The following GLIS3 variants were observed in gnomAD, a reference collection of about 807,000 sequenced individuals.
GLIS3 encodes zinc finger protein GLIS3.
A neutral mutation model predicts 78.6 loss-of-function variants in GLIS3; 53 were observed. The ratio of observed to expected loss-of-function variants is 0.67; its 90% confidence interval spans 0.54 to 0.85. The LOEUF (loss-of-function observed/expected upper bound fraction) is 0.85, where lower values mean the gene tolerates loss of function less well. Ranked by LOEUF, GLIS3 falls within the 40% of genes least tolerant of loss-of-function variation. GLIS3 has a pLI of 0.00. For missense variants in GLIS3, 1,703 were observed against 1,231.1 expected (o/e 1.38, Z -5.74); for synonymous variants, 684 against 509.9 (o/e 1.34, Z -4.60).
chr9:4,115,529 C>T (rs563710104), intron 4 of GLIS3, among the ~76,000 whole-genome samples: 219 of 152,156 alleles, frequency 1.4e-3, no homozygotes, highest in African/African-American at 5.1e-3. Flanking sequence ...AGGTGCATAT[C>T]TACTTTAAAA....
At chr9:4,224,522 T>C (rs958766212) in intron 2 of GLIS3, among the ~76,000 whole-genome samples, 1 of 152,064 alleles carries the variant, frequency 6.6e-6, no homozygotes, top group African/African-American at 2.4e-5. Context: ...CTATTTAACC[T>C]TATGGACACT....
At chr9:4,206,628 G>C (rs1306712192) in intron 2 of GLIS3, among the ~76,000 whole-genome samples, 4 of 152,196 alleles carry the variant, frequency 2.6e-5, no homozygotes, top group African/African-American at 9.7e-5. Flanking sequence ...TGCTGAACTG[G>C]AAGAACTCTA....
At chr9:3,947,053 C>G (rs954121592) in intron 4 of GLIS3, among the ~76,000 whole-genome samples, 5 of 152,150 alleles carry the variant, frequency 3.3e-5, no homozygotes, top group Non-Finnish European at 7.4e-5. Flanking sequence ...CAGCCAACCT[C>G]TCAGAATGGG....
At chr9:4,318,289 C>A (rs1463638863) in intron 2 of GLIS3, among the ~76,000 whole-genome samples, 2 of 152,118 alleles carry the variant, frequency 1.3e-5, no homozygotes, top group African/African-American at 4.8e-5. Flanking sequence ...GTATATCTCC[C>A]AGTTCTGTTC....
intron 2 of GLIS3, among the ~76,000 whole-genome samples, chr9:4,151,551 A>G (rs28667077): frequency 0.21 from 31,951 of 152,098 alleles, 3,975 homozygotes; most frequent in African/African-American, 0.34. Context: ...CTTCTCAAAG[A>G]AAGTTTACAA....
chr9:4,445,190 A>G, the GLIS3 span, among the ~76,000 whole-genome samples: 2 of 152,248 alleles, frequency 1.3e-5, no homozygotes, highest in Admixed American at 6.5e-5. Flanking sequence ...CATGTGGTCA[A>G]TCAGGAACAT....
At chr9:3,968,287 A>T (rs1818111808) in intron 4 of GLIS3, among the ~76,000 whole-genome samples, 1 of 152,204 alleles carries the variant, frequency 6.6e-6, no homozygotes, top group Non-Finnish European at 1.5e-5. Flanking sequence ...CAGTGGAGAT[A>T]CGGTAAATGC....
intron 4 of GLIS3, among the ~76,000 whole-genome samples, chr9:4,042,797 G>A (rs1480924017): frequency 6.6e-6 from 1 of 152,110 alleles, no homozygotes; most frequent in African/African-American, 2.4e-5. Context: ...AATAAAAGCA[G>A]CAAGGGCTTT....
At chr9:4,228,767 C>G (rs1293643073) in intron 2 of GLIS3, among the ~76,000 whole-genome samples, 1 of 152,174 alleles carries the variant, frequency 6.6e-6, no homozygotes, top group Non-Finnish European at 1.5e-5. Context: ...CTACATACAG[C>G]CCAAATACAG....
chr9:4,294,306 CG>C (rs992310162), intron 1 of GLIS3, among the ~76,000 whole-genome samples: 2 of 152,126 alleles, frequency 1.3e-5, no homozygotes, highest in Non-Finnish European at 2.9e-5. Context: ...GTCAGGAGTT[CG>C]AGACCAGTCT....
rs537941283 is a variant in GLIS3 at position 3,918,932 on chromosome 9, G to A, written c.1983+13428C>T. 7.9e-5 allele frequency among the ~76,000 whole-genome samples: 12 copies of A among 152,210 alleles called. No homozygotes were observed. The South Asian group carries it at 8.3e-4, about 11-fold the overall frequency. ...AATTAGGATCTGCTTATAAGACCCC[G>A]GGAAGATCCCATAGGTGTGAGTTCT... is the stretch of plus-strand genomic sequence containing the variant. On this transcript the variant is annotated intron_variant, in intron 6 of 10. Coordinates refer to ENST00000381971, the MANE Select transcript of GLIS3 (RefSeq NM_001042413.2).
At chr9:4,334,405 G>C (rs1431082358) in intron 2 of GLIS3, among the ~76,000 whole-genome samples, 1 of 152,202 alleles carries the variant, frequency 6.6e-6, no homozygotes, top group Admixed American at 6.5e-5. Context: ...GCTGGTGGCT[G>C]GAGAGGCAAG....
At chr9:4,413,924 G>A in the GLIS3 span, among the ~76,000 whole-genome samples, 1 of 152,118 alleles carries the variant, frequency 6.6e-6, no homozygotes, top group Non-Finnish European at 1.5e-5. Flanking sequence ...CCAGCTTATG[G>A]AATTTAACTA....
the GLIS3 span, among the ~76,000 whole-genome samples, chr9:4,412,809 C>A: frequency 6.6e-6 from 1 of 152,114 alleles, no homozygotes; most frequent in Non-Finnish European, 1.5e-5. Context: ...CATTTCCAGG[C>A]CTGGCCCATA....
chr9:4,333,354 G>C (rs1007780147), intron 2 of GLIS3, among the ~76,000 whole-genome samples: 1 of 151,612 alleles, frequency 6.6e-6, no homozygotes, highest in East Asian at 1.9e-4. Context: ...AAAAGGGAAG[G>C]AAGGAAGGAA....
intron 4 of GLIS3, chr9:4,071,398 T>C (rs920977868): frequency 4.6e-5 from 7 of 152,218 alleles, no homozygotes; most frequent in Admixed American, 4.6e-4. Flanking sequence ...AAACAGAAAA[T>C]GTTATCAATT....
At chr9:3,842,544 G>C (rs1009380265) in intron 9 of GLIS3, among the ~76,000 whole-genome samples, 11 of 152,234 alleles carry the variant, frequency 7.2e-5, no homozygotes, top group African/African-American at 2.4e-4. Context: ...CAGGCAAATT[G>C]CTTCCTTTGG....
At chr9:3,989,198 T>C (rs1235432025) in intron 4 of GLIS3, among the ~76,000 whole-genome samples, 2 of 152,088 alleles carry the variant, frequency 1.3e-5, no homozygotes, top group Admixed American at 6.6e-5. Flanking sequence ...TACAATGAAA[T>C]ATTACTACAT....
chr9:3,922,199 G>A (rs1451358962), intron 6 of GLIS3, among the ~76,000 whole-genome samples: 2 of 152,098 alleles, frequency 1.3e-5, no homozygotes, highest in East Asian at 1.9e-4. Flanking sequence ...GAAATGCAGT[G>A]TATCTTTTAA....
Sources: gnomAD v4.1 joint callset for allele counts (sites outside exome capture counted in the v4.1 genomes callset) on GRCh38, gnomAD v4.1.1 for gene constraint, MANE v1.5 for transcripts, NCBI Gene and HGNC (gene_info 2026-07-23, HGNC 2026-07-21) for gene names.